PTPRT: variants seen among roughly 807,000 people sequenced by gnomAD.
PTPRT encodes receptor-type tyrosine-protein phosphatase T.
In PTPRT, 56 loss-of-function variants were observed where a neutral mutation model predicts 176.8. The observed-to-expected ratio is 0.32, with a 90% CI of 0.26 to 0.40. PTPRT has a LOEUF of 0.40. PTPRT is among the 10% of genes least tolerant of loss of function. PTPRT has a pLI of 1.00. For missense variants in PTPRT, 1,540 were observed against 1,908.2 expected (o/e 0.81, Z 3.60); for synonymous variants, 783 against 739.0 (o/e 1.06, Z -0.96).
chr20:42,166,804 C>T (rs1989844394), intron 16 of PTPRT, among the ~76,000 whole-genome samples: 2 of 151,998 alleles, frequency 1.3e-5, no homozygotes, highest in South Asian at 4.2e-4. Context: ...ACCTGTAATC[C>T]CAGCTACTTG....
intron 13 of PTPRT, among the ~76,000 whole-genome samples, chr20:42,276,535 ATATATATATATATATATATATAT>A (rs1404374989): frequency 4.1e-5 from 2 of 48,462 alleles, no homozygotes; most frequent in Admixed American, 1.8e-4. Context: ...ATATATATAT[ATATATATATATATATATATATAT>A]AATGTTCTTG....
At chr20:42,797,270 A>G (rs974845837) in intron 2 of PTPRT, among the ~76,000 whole-genome samples, 2 of 152,192 alleles carry the variant, frequency 1.3e-5, no homozygotes, top group African/African-American at 2.4e-5. Context: ...ATTCAGGTCC[A>G]TGGCATTTGT....
At chr20:42,478,496 C>A (rs6065489) in intron 7 of PTPRT, among the ~76,000 whole-genome samples, 2 of 152,086 alleles carry the variant, frequency 1.3e-5, no homozygotes, top group African/African-American at 2.4e-5. Context: ...TACCTTCCTG[C>A]CCCCAAATGC....
At chr20:42,222,497 A>T (rs2055908389) in intron 15 of PTPRT, among the ~76,000 whole-genome samples, 2 of 152,172 alleles carry the variant, frequency 1.3e-5, no homozygotes, top group East Asian at 1.9e-4. Context: ...CAGGACTCTC[A>T]TCTTCCCCTG....
In PTPRT at chr20:43,183,175, C is replaced by T. The variant is rs539430063; in HGVS notation, c.88+6471G>A. 5.9e-5 allele frequency among the ~76,000 whole-genome samples: 9 copies of T among 152,300 alleles called. No individual in the cohort carries two copies. The South Asian group carries it at 1.9e-3, about 32-fold the overall frequency. ...GCCAAATTGATGAGGGGAAAAAATG[C>T]TACTTCATAGATTTAATTCACAGTC... On this transcript the variant is annotated intron_variant, in intron 1 of 30. Coordinates refer to ENST00000373187, the MANE Select transcript of PTPRT (RefSeq NM_007050.6).
intron 28 of PTPRT, among the ~76,000 whole-genome samples, chr20:42,085,386 C>T (rs990711011): frequency 6.6e-6 from 1 of 152,206 alleles, no homozygotes; most frequent in African/African-American, 2.4e-5. Flanking sequence ...TTGGCAGTGC[C>T]TGGCCCAAAG....
At chr20:43,079,400 A>T (rs2011377275) in intron 1 of PTPRT, among the ~76,000 whole-genome samples, 1 of 152,088 alleles carries the variant, frequency 6.6e-6, no homozygotes. Flanking sequence ...TTCCTTCAAT[A>T]CAAATGTTAG....
chr20:42,638,517 A>G (rs1305727544), intron 7 of PTPRT, among the ~76,000 whole-genome samples: 2 of 151,924 alleles, frequency 1.3e-5, no homozygotes, highest in African/African-American at 4.8e-5. Context: ...CCAACAATGG[A>G]TTTTCAGTTA....
Position 42,080,845 on chromosome 20 carries a change from C to T in PTPRT, c.*34G>A, listed in dbSNP as rs746519914. 6.3e-7 allele frequency: 1 copy of T among 1,589,796 alleles called. No homozygotes were observed. The highest frequency in any genetic ancestry group is 1.1e-5 in the South Asian group (1 of 90,526). ...CAAAAGGGGGCTTGGTCACAGCAGC[C>T]TCTGGACTCCGGCAGGTTCCCCATC... On this transcript the variant is annotated 3_prime_UTR_variant, in exon 31 of 31. Transcript: ENST00000373187.
At chr20:42,521,472 T>C (rs536934561) in intron 7 of PTPRT, among the ~76,000 whole-genome samples, 12 of 152,360 alleles carry the variant, frequency 7.9e-5, no homozygotes, top group African/African-American at 2.9e-4. Context: ...AATTGATTTA[T>C]AGATCCTTTT....
intron 9 of PTPRT, among the ~76,000 whole-genome samples, chr20:42,422,912 G>A (rs1216880346): frequency 1.3e-5 from 2 of 152,096 alleles, no homozygotes; most frequent in African/African-American, 2.4e-5. Context: ...GATGGCGGTG[G>A]AGGCCATTAT....
At chr20:43,051,355 A>G (rs1987033899) in intron 1 of PTPRT, among the ~76,000 whole-genome samples, 1 of 152,072 alleles carries the variant, frequency 6.6e-6, no homozygotes, top group African/African-American at 2.4e-5. Flanking sequence ...AATTGAATGC[A>G]TTCTGTGCAT....
At chr20:42,234,330 T>C (rs2056195644) in intron 15 of PTPRT, among the ~76,000 whole-genome samples, 1 of 152,162 alleles carries the variant, frequency 6.6e-6, no homozygotes, top group Non-Finnish European at 1.5e-5. Context: ...ATCAAAAAGT[T>C]TAGAAAATTT....
intron 15 of PTPRT, among the ~76,000 whole-genome samples, chr20:42,201,947 T>TTGTGTGTGTGTGTGTGTGTGTG (rs1189357177): frequency 3.4e-5 from 2 of 58,000 alleles, no homozygotes; most frequent in African/African-American, 7.0e-5. Context: ...AAGAGAAAAG[T>TTGTGTGTGTGTGTGTGTGTGTG]TGCGTGTGTG....
chr20:42,474,198 C>T (rs771674309), intron 7 of PTPRT, among the ~76,000 whole-genome samples: 5 of 152,078 alleles, frequency 3.3e-5, no homozygotes, highest in South Asian at 2.1e-4. Flanking sequence ...GCTGGGAGCA[C>T]CCTTATGCAA....
At chr20:43,072,578 C>G (rs2011195433) in intron 1 of PTPRT, among the ~76,000 whole-genome samples, 1 of 152,134 alleles carries the variant, frequency 6.6e-6, no homozygotes, top group African/African-American at 2.4e-5. Flanking sequence ...AACTCATTTC[C>G]AACCCAGTGC....
At chr20:42,688,542 A>T (rs2425525) in intron 6 of PTPRT, 25,167 of 152,090 alleles carry the variant, frequency 0.17, 3,267 homozygotes, top group African/African-American at 0.36. Flanking sequence ...TCCCTTCAAT[A>T]AAAACCCTCT....
intron 1 of PTPRT, among the ~76,000 whole-genome samples, chr20:42,894,301 C>A (rs1027727740): frequency 1.3e-5 from 2 of 152,112 alleles, no homozygotes; most frequent in Non-Finnish European, 1.5e-5. Flanking sequence ...TTTGCAAGGA[C>A]CAAGTAATCA....
intron 7 of PTPRT, among the ~76,000 whole-genome samples, chr20:42,640,768 G>A (rs1390772908): frequency 6.6e-6 from 1 of 152,110 alleles, no homozygotes; most frequent in Non-Finnish European, 1.5e-5. Context: ...TCTACATTGA[G>A]GATCACCATT....
Sources: gnomAD v4.1 joint callset for allele counts (sites outside exome capture counted in the v4.1 genomes callset) on GRCh38, gnomAD v4.1.1 for gene constraint, MANE v1.5 for transcripts, NCBI Gene and HGNC (gene_info 2026-07-23, HGNC 2026-07-21) for gene names.